TMTC2: variants seen among roughly 807,000 people sequenced by gnomAD.
TMTC2 encodes the protein transmembrane O-mannosyltransferase targeting cadherins 2, also known as protein O-mannosyl-transferase TMTC2.
Under a neutral mutation model 82.4 loss-of-function variants are expected in TMTC2, and 43 were observed. The observed-to-expected ratio is 0.52, with a 90% CI of 0.41 to 0.67. TMTC2 has a LOEUF of 0.67. Among genes scored for constraint, TMTC2 ranks in the 30% least tolerant of loss-of-function variants. The pLI is 0.00. For missense variants in TMTC2, 919 were observed against 1,012.4 expected (o/e 0.91, Z 1.25); for synonymous variants, 408 against 381.9 (o/e 1.07, Z -0.80).
At chr12:82,772,110 T>C (rs940823487) in intron 1 of TMTC2, among the ~76,000 whole-genome samples, 2 of 152,220 alleles carry the variant, frequency 1.3e-5, no homozygotes, top group African/African-American at 2.4e-5. Flanking sequence ...ATTTGTTGTT[T>C]AACTGAATGA....
intron 7 of TMTC2, among the ~76,000 whole-genome samples, chr12:82,971,438 C>CT (rs1878442556): frequency 6.6e-6 from 1 of 151,934 alleles, no homozygotes; most frequent in African/African-American, 2.4e-5. Context: ...TCTGAACACT[C>CT]TGAGTTTCTC....
At chr12:83,127,255 A>C (rs900550125) in intron 11 of TMTC2, among the ~76,000 whole-genome samples, 1 of 152,192 alleles carries the variant, frequency 6.6e-6, no homozygotes, top group Admixed American at 6.6e-5. Context: ...AAAGTTATTT[A>C]GTTTACTCAA....
At chr12:83,079,188 A>T (rs1883382085) in intron 11 of TMTC2, among the ~76,000 whole-genome samples, 1 of 152,056 alleles carries the variant, frequency 6.6e-6, no homozygotes, top group Non-Finnish European at 1.5e-5. Flanking sequence ...CATCAGTCCA[A>T]GTTGATTTAT....
chr12:83,114,279 G>A (rs1884687568), intron 11 of TMTC2, among the ~76,000 whole-genome samples: 1 of 151,932 alleles, frequency 6.6e-6, no homozygotes, highest in Admixed American at 6.6e-5. Flanking sequence ...AATAGTAAGA[G>A]GAAACACAGG....
chr12:82,822,161 G>A (rs1300914057), intron 1 of TMTC2, among the ~76,000 whole-genome samples: 4 of 152,214 alleles, frequency 2.6e-5, no homozygotes, highest in Non-Finnish European at 5.9e-5. Context: ...CCGTGAAGGA[G>A]GGAGGGATGA....
chr12:82,843,151 A>G (rs977480964), intron 1 of TMTC2, among the ~76,000 whole-genome samples: 3 of 151,878 alleles, frequency 2.0e-5, no homozygotes, highest in South Asian at 4.2e-4. Flanking sequence ...CAGTAGCACA[A>G]TCTCGGCTCA....
intron 8 of TMTC2, among the ~76,000 whole-genome samples, 173 bp from the exon 9 acceptor site, chr12:83,030,625 T>C (rs2137422044): frequency 6.6e-6 from 1 of 152,230 alleles, no homozygotes; most frequent in Middle Eastern, 3.4e-3. Flanking sequence ...GACCTCAGTG[T>C]TCTCTCTCAA....
intron 11 of TMTC2, among the ~76,000 whole-genome samples, chr12:83,096,266 G>T (rs1183259566): frequency 6.6e-6 from 1 of 152,188 alleles, no homozygotes; most frequent in Non-Finnish European, 1.5e-5. Context: ...CAGCACGTAG[G>T]GTCTCCTTCA....
intron 4 of TMTC2, among the ~76,000 whole-genome samples, chr12:82,936,887 ATT>A (rs201515072): frequency 6.6e-6 from 1 of 152,170 alleles, no homozygotes; most frequent in African/African-American, 2.4e-5. Flanking sequence ...AATTGCACTG[ATT>A]TTTTTAAATA....
rs376437506 is a variant in TMTC2 at position 82,752,998 on chromosome 12, G to A, written c.83+65329G>A. Among the ~76,000 whole-genome samples, 35 of 152,240 alleles carry A rather than the reference G, an allele frequency of 2.3e-4. 2 individuals are homozygous for A. The highest frequency in any genetic ancestry group is 7.7e-4 in the African/African-American group (32 of 41,538). The stretch of plus-strand genomic sequence containing the variant: ...CCTGCTGTTCTCGAGGGCTGCTACA[G>A]TGAGAATTTCTCTCTCTTGGTCTTT... On this transcript the variant is annotated intron_variant, in intron 1 of 11. Transcript: ENST00000321196.
At chr12:82,949,161 C>A (rs190933410) in intron 4 of TMTC2, among the ~76,000 whole-genome samples, 60 of 152,304 alleles carry the variant, frequency 3.9e-4, no homozygotes, top group Non-Finnish European at 7.4e-4. Context: ...ACACACTCTC[C>A]AACTGATAGG....
At chr12:83,069,964 G>C (rs1883053863) in intron 11 of TMTC2, among the ~76,000 whole-genome samples, 1 of 151,882 alleles carries the variant, frequency 6.6e-6, no homozygotes, top group Admixed American at 6.6e-5. Flanking sequence ...CCCACTTTAT[G>C]TTTTTGTTTG....
At chr12:82,866,950 G>A (rs1163462117) in intron 2 of TMTC2, among the ~76,000 whole-genome samples, 1 of 152,162 alleles carries the variant, frequency 6.6e-6, no homozygotes, top group African/African-American at 2.4e-5. Context: ...AGGTTGCATA[G>A]GATTATAAGT....
chr12:82,710,049 T>G (rs898862552), intron 1 of TMTC2, among the ~76,000 whole-genome samples: 2 of 152,230 alleles, frequency 1.3e-5, no homozygotes, highest in Non-Finnish European at 2.9e-5. Context: ...GCGCTTACAT[T>G]ATGTAAGGCT....
At chr12:83,053,246 T>C (rs115095491) in intron 10 of TMTC2, among the ~76,000 whole-genome samples, 48 of 152,232 alleles carry the variant, frequency 3.2e-4, no homozygotes, top group African/African-American at 1.0e-3. Context: ...AAGTTTGATA[T>C]TCTTTTCTCA....
intron 8 of TMTC2, among the ~76,000 whole-genome samples, chr12:83,028,200 A>G (rs574926161): frequency 2.4e-4 from 36 of 152,300 alleles, no homozygotes; most frequent in Non-Finnish European, 3.7e-4. Flanking sequence ...GTGTGTGTGT[A>G]TATACATATA....
chr12:82,987,082 AT>A, intron 8 of TMTC2, among the ~76,000 whole-genome samples: 1 of 152,184 alleles, frequency 6.6e-6, no homozygotes, highest in South Asian at 2.1e-4. Context: ...AAATAATAAC[AT>A]TTTACTTTCC....
intron 1 of TMTC2, among the ~76,000 whole-genome samples, chr12:82,781,608 A>T (rs1462262948): frequency 6.6e-6 from 1 of 151,768 alleles, no homozygotes; most frequent in Non-Finnish European, 1.5e-5. Context: ...TCCAGGACAG[A>T]AGTGATTACT....
intron 1 of TMTC2, among the ~76,000 whole-genome samples, chr12:82,851,615 C>T (rs982762860): frequency 1.8e-4 from 28 of 152,176 alleles, no homozygotes; most frequent in African/African-American, 6.8e-4. Context: ...CAGTTGGCTA[C>T]ACAATGGATT....
Sources: gnomAD v4.1 joint callset for allele counts (sites outside exome capture counted in the v4.1 genomes callset) on GRCh38, gnomAD v4.1.1 for gene constraint, MANE v1.5 for transcripts, NCBI Gene and HGNC (gene_info 2026-07-23, HGNC 2026-07-21) for gene names.